The following GABRB3 variants were observed in gnomAD, a reference collection of about 807,000 sequenced individuals.
GABRB3 encodes the protein gamma-aminobutyric acid receptor subunit beta-3.
GABRB3 carries 14 observed loss-of-function variants against 52.1 expected under a neutral mutation model. The ratio of observed to expected loss-of-function variants is 0.27; its 90% CI spans 0.18 to 0.42. The LOEUF (loss-of-function observed/expected upper bound fraction) is 0.42, where lower values mean the gene tolerates loss of function less well. GABRB3 is among the 10% of genes least tolerant of loss of function. The pLI, the probability that GABRB3 is intolerant of heterozygous loss-of-function variation, is 1.00. For missense variants in GABRB3, 307 were observed against 609.1 expected (o/e 0.50, Z 5.22); for synonymous variants, 260 against 232.3 (o/e 1.12, Z -1.08).
In GABRB3 at chr15:26,554,190, A is replaced by AAAGTAT. The variant is rs1567097853; in HGVS notation, c.1081-6057_1081-6056insATACTT. The stretch of plus-strand genomic sequence containing the variant: ...ATATATATAAAGTATATATATATAT[A>AAAGTAT]CTATATATATATATATATAGTAGAA... On this transcript the variant is annotated intron_variant, in intron 8 of 8. Transcript: ENST00000311550. 1.4e-3 allele frequency among the ~76,000 whole-genome samples: 45 copies of AAAGTAT among 31,530 alleles called. 1 individual carries two copies. The highest frequency in any genetic ancestry group is 3.7e-3 in the African/African-American group (44 of 11,758). 20.7% of individuals were successfully genotyped at this position (31,530 alleles called of 152,430 possible). A position where few individuals can be genotyped will look rare whatever the true frequency, so the allele number is the denominator to read the frequency against.
In GABRB3 at chr15:26,699,551, T is replaced by A. The variant is rs189314877; in HGVS notation, c.240+72851A>T. 2.9e-3 allele frequency among the ~76,000 whole-genome samples: 434 copies of A among 150,950 alleles called. 3 individuals are homozygous for A. The highest frequency in any genetic ancestry group is 1.0e-2 in the African/African-American group (409 of 40,910). On this transcript the variant is annotated intron_variant, in intron 3 of 8. Transcript: ENST00000311550. ...GAATTAGCAAAGACATTTTAAAAGT[T>A]ATTATAAGTCTATTCTCGATACTCA...
At chr15:26,683,682 A>G (rs945399003) in intron 3 of GABRB3, among the ~76,000 whole-genome samples, 5 of 151,706 alleles carry the variant, frequency 3.3e-5, no homozygotes, top group African/African-American at 1.2e-4. Flanking sequence ...GACCTGAAAA[A>G]CGCTTTCATG....
At chr15:26,631,903 C>A (rs927504663) in intron 3 of GABRB3, among the ~76,000 whole-genome samples, 1 of 152,110 alleles carries the variant, frequency 6.6e-6, no homozygotes, top group Non-Finnish European at 1.5e-5. Flanking sequence ...TACCATAGGC[C>A]AAGAACCATA....
chr15:26,635,720 A>G (rs1227838757), intron 3 of GABRB3, among the ~76,000 whole-genome samples: 2 of 152,082 alleles, frequency 1.3e-5, no homozygotes, highest in Non-Finnish European at 2.9e-5. Flanking sequence ...TTGCCCTTTG[A>G]TTTCATATAT....
At chr15:26,616,596 T>C (rs375720346) in intron 4 of GABRB3, among the ~76,000 whole-genome samples, 53 of 139,916 alleles carry the variant, frequency 3.8e-4, no homozygotes, top group African/African-American at 1.4e-3. Flanking sequence ...ATACCTATAC[T>C]ACACTTGAAA....
At chr15:26,719,335 G>C (rs1012525323) in intron 3 of GABRB3, among the ~76,000 whole-genome samples, 4 of 152,186 alleles carry the variant, frequency 2.6e-5, no homozygotes, top group African/African-American at 9.7e-5. Flanking sequence ...TCCTTTCCAG[G>C]AACTCAGGTT....
intron 8 of GABRB3, among the ~76,000 whole-genome samples, chr15:26,554,176 G>GTATATATATATATATATATGTATATATA (rs71130258): frequency 3.7e-5 from 1 of 27,334 alleles, no homozygotes; most frequent in Non-Finnish European, 7.4e-5. Context: ...TATATATAAA[G>GTATATATATATATATATATGTATATATA]TATATATATA....
chr15:26,688,080 C>T (rs560001659), intron 3 of GABRB3, among the ~76,000 whole-genome samples: 30 of 152,230 alleles, frequency 2.0e-4, no homozygotes, highest in South Asian at 6.2e-4. Context: ...TTCATAATGA[C>T]GACAAGACTG....
At chr15:26,626,728 A>G (rs1014627460) in intron 3 of GABRB3, among the ~76,000 whole-genome samples, 7 of 152,222 alleles carry the variant, frequency 4.6e-5, no homozygotes, top group African/African-American at 1.4e-4. Flanking sequence ...GCTGCAGAAG[A>G]AAAGTTAGAA....
intron 4 of GABRB3, among the ~76,000 whole-genome samples, chr15:26,605,761 G>A (rs945365301): frequency 6.6e-6 from 1 of 152,146 alleles, no homozygotes; most frequent in African/African-American, 2.4e-5. Flanking sequence ...TAGAAGGATG[G>A]TAAGTGTAGT....
intron 3 of GABRB3, among the ~76,000 whole-genome samples, chr15:26,629,701 G>C (rs1892859355): frequency 6.6e-6 from 1 of 152,136 alleles, no homozygotes; most frequent in African/African-American, 2.4e-5. Flanking sequence ...TGCAGCTTCT[G>C]AGTTCACCGA....
At chr15:26,579,519 T>A (rs1047793495) in intron 6 of GABRB3, among the ~76,000 whole-genome samples, 4 of 152,132 alleles carry the variant, frequency 2.6e-5, no homozygotes, top group African/African-American at 4.8e-5. Flanking sequence ...AGGACTGGGG[T>A]CAATTTTTAT....
intron 3 of GABRB3, among the ~76,000 whole-genome samples, chr15:26,693,483 C>T (rs1207647013): frequency 6.6e-6 from 1 of 152,166 alleles, no homozygotes; most frequent in Non-Finnish European, 1.5e-5. Context: ...GCGGTATTTC[C>T]ACCACATGAG....
intron 3 of GABRB3, among the ~76,000 whole-genome samples, chr15:26,674,476 GAA>G (rs1244831226): frequency 4.4e-5 from 6 of 135,852 alleles, no homozygotes; most frequent in Non-Finnish European, 7.9e-5. Flanking sequence ...AAGAAAGAAA[GAA>G]AGAGAGAGAG....
chr15:26,597,915 T>C (rs1891455036), intron 4 of GABRB3, among the ~76,000 whole-genome samples: 1 of 152,144 alleles, frequency 6.6e-6, no homozygotes, highest in South Asian at 2.1e-4. Context: ...AAAGAGAAAG[T>C]AGAAGGCAGA....
intron 3 of GABRB3, among the ~76,000 whole-genome samples, chr15:26,657,910 C>A (rs1040513705): frequency 8.5e-5 from 13 of 152,272 alleles, no homozygotes; most frequent in African/African-American, 3.1e-4. Context: ...CCAAAACAAA[C>A]CCCGTTCTTA....
At chr15:26,747,760 T>C (rs888186085) in intron 3 of GABRB3, among the ~76,000 whole-genome samples, 1 of 152,212 alleles carries the variant, frequency 6.6e-6, no homozygotes. Context: ...TGGATATCTT[T>C]GCCTTGTTCA....
At chr15:26,551,988 AGACCTT>A (rs1889486334) in intron 8 of GABRB3, among the ~76,000 whole-genome samples, 1 of 150,896 alleles carries the variant, frequency 6.6e-6, no homozygotes, top group Non-Finnish European at 1.5e-5. Context: ...CTGGAATGTC[AGACCTT>A]GGTGAAATTT....
intron 3 of GABRB3, among the ~76,000 whole-genome samples, chr15:26,734,841 G>A (rs1890025314): frequency 6.6e-6 from 1 of 150,964 alleles, no homozygotes; most frequent in African/African-American, 2.4e-5. Context: ...GCTTGAGCCT[G>A]GGAAGTTGAG....
Sources: gnomAD v4.1 joint callset for allele counts (sites outside exome capture counted in the v4.1 genomes callset) on GRCh38, gnomAD v4.1.1 for gene constraint, MANE v1.5 for transcripts, NCBI Gene and HGNC (gene_info 2026-07-23, HGNC 2026-07-21) for gene names.